The following PHACTR1 variants were observed in gnomAD, a reference collection of about 807,000 sequenced individuals.
PHACTR1 encodes the protein RPEL repeat containing 1.
PHACTR1 carries 16 observed loss-of-function variants against 69.2 expected under a neutral mutation model. That is an observed-to-expected ratio of 0.23 (90% CI 0.16 to 0.35). The LOEUF (loss-of-function observed/expected upper bound fraction) is 0.35, where lower values mean the gene tolerates loss of function less well. Among genes scored for constraint, PHACTR1 ranks in the 10% least tolerant of loss-of-function variants. The pLI is 1.00. For missense variants in PHACTR1, 510 were observed against 734.7 expected, an observed-to-expected ratio of 0.69 and a Z score of 3.54; for synonymous variants, 312 against 284.5, an observed-to-expected ratio of 1.10 and a Z score of -0.97.
intron 5 of PHACTR1, among the ~76,000 whole-genome samples, chr6:13,103,110 C>T (rs1217498243): frequency 6.6e-6 from 1 of 152,156 alleles, no homozygotes. Context: ...CTTATTTCCA[C>T]CTATTAAGGT....
At chr6:13,184,736 G>A (rs536390450) in intron 7 of PHACTR1, 53 of 1,282,842 alleles carry the variant, frequency 4.1e-5, no homozygotes, top group Middle Eastern at 2.2e-4. Context: ...TGTGTTCCCC[G>A]CTGGCCCCGC....
intron 3 of PHACTR1, among the ~76,000 whole-genome samples, chr6:12,740,568 C>A (rs925656273): frequency 6.6e-6 from 1 of 151,834 alleles, no homozygotes; most frequent in Non-Finnish European, 1.5e-5. Context: ...GTTTTTGGTC[C>A]ATTTAAAAAA....
chr6:12,850,251 G>A (rs1479346539), intron 4 of PHACTR1, among the ~76,000 whole-genome samples: 2 of 152,190 alleles, frequency 1.3e-5, no homozygotes, highest in African/African-American at 4.8e-5. Flanking sequence ...AATAACAATG[G>A]TTACTGCTGC....
At chr6:13,060,221 T>C (rs937020060) in intron 5 of PHACTR1, among the ~76,000 whole-genome samples, 23 of 152,168 alleles carry the variant, frequency 1.5e-4, no homozygotes, top group Non-Finnish European at 2.8e-4. Context: ...CTAGAGATCA[T>C]TGGTGACTTA....
intron 3 of PHACTR1, among the ~76,000 whole-genome samples, chr6:12,743,532 G>T (rs914897315): frequency 1.3e-5 from 2 of 152,032 alleles, no homozygotes; most frequent in Admixed American, 6.6e-5. Context: ...TCCTCTTGAG[G>T]TCCCTAGATA....
chr6:12,910,651 C>T (rs1439765203), intron 4 of PHACTR1, among the ~76,000 whole-genome samples: 4 of 152,196 alleles, frequency 2.6e-5, no homozygotes, highest in Non-Finnish European at 5.9e-5. Context: ...TTATTATTGA[C>T]AGAAGTCCCC....
chr6:12,824,468 C>T (rs56408440), intron 4 of PHACTR1, among the ~76,000 whole-genome samples: 31,956 of 152,044 alleles, frequency 0.21, 3,628 homozygotes, highest in African/African-American at 0.3. Flanking sequence ...GCCAAAAAGG[C>T]TGGGGACTGC....
chr6:12,927,736 G>A (rs1236369006), intron 4 of PHACTR1, among the ~76,000 whole-genome samples: 1 of 152,198 alleles, frequency 6.6e-6, no homozygotes, highest in African/African-American at 2.4e-5. Context: ...AGGACCATTT[G>A]AGAATCTAAA....
chr6:13,224,354 G>A (rs934764839), intron 8 of PHACTR1, among the ~76,000 whole-genome samples: 2 of 152,220 alleles, frequency 1.3e-5, no homozygotes, highest in African/African-American at 2.4e-5. Context: ...AAGATGGTTT[G>A]GGAACACATT....
At chr6:13,155,882 C>G (rs1051723226) in intron 5 of PHACTR1, among the ~76,000 whole-genome samples, 5 of 149,730 alleles carry the variant, frequency 3.3e-5, no homozygotes, top group Non-Finnish European at 4.4e-5. Context: ...AGCAGGACTC[C>G]CTCTCAAAAA....
chr6:12,777,965 C>A (rs1487024392), intron 4 of PHACTR1, among the ~76,000 whole-genome samples: 1 of 152,144 alleles, frequency 6.6e-6, no homozygotes, highest in Admixed American at 6.5e-5. Flanking sequence ...CAGTTATTAA[C>A]TGGTATGGGC....
intron 5 of PHACTR1, among the ~76,000 whole-genome samples, chr6:13,131,208 T>TACACACACACACACACACAC (rs56329629): frequency 6.8e-6 from 1 of 146,374 alleles, no homozygotes; most frequent in African/African-American, 2.6e-5. Context: ...TATATACACA[T>TACACACACACACACACACAC]ACACACACAC....
At chr6:13,141,825 A>T (rs1171599567) in intron 5 of PHACTR1, among the ~76,000 whole-genome samples, 1 of 136,732 alleles carries the variant, frequency 7.3e-6, no homozygotes, top group African/African-American at 2.8e-5. Context: ...ATATTCTGGG[A>T]TTGTTTTTTT....
chr6:12,816,353 G>T (rs1775581571), intron 4 of PHACTR1, among the ~76,000 whole-genome samples: 1 of 152,148 alleles, frequency 6.6e-6, no homozygotes. Flanking sequence ...TCTCTCTAAG[G>T]TAAATTCAGT....
At chr6:12,756,932 C>CA (rs1767394228) in intron 4 of PHACTR1, among the ~76,000 whole-genome samples, 1 of 151,396 alleles carries the variant, frequency 6.6e-6, no homozygotes, top group South Asian at 2.1e-4. Flanking sequence ...TTTTTTAGAC[C>CA]GTTTTTTAGG....
chr6:13,024,202 C>T (rs1474489679), intron 4 of PHACTR1, among the ~76,000 whole-genome samples: 2 of 152,120 alleles, frequency 1.3e-5, no homozygotes, highest in Admixed American at 1.3e-4. Context: ...AGATTTGGCA[C>T]CAGTATGTCC....
chr6:13,273,132 C>T (rs770947941), intron 11 of PHACTR1: 17 of 599,364 alleles, frequency 2.8e-5, no homozygotes, highest in African/African-American at 1.1e-4. Flanking sequence ...AGCTCACGGG[C>T]GGCAGGCAGA....
chr6:13,099,575 A>G (rs540245949), intron 5 of PHACTR1, among the ~76,000 whole-genome samples: 5 of 152,242 alleles, frequency 3.3e-5, no homozygotes, highest in African/African-American at 1.2e-4. Context: ...CCCAGTGGAG[A>G]TACTCTGTGG....
Position 12,749,762 on chromosome 6 carries a change from G to A in PHACTR1, c.222G>A (p.Glu74=), listed in dbSNP as rs373807800. ...RSKSDTPYLA[E]ARISFNLGAA... is the part of the protein sequence containing the mutation. ...AGAGCGACACGCCGTACCTCGCAGA[G>A]GCCAGGATCTCCTTTAACCTGGGGG... Residue 74 remains glutamate (E), a synonymous_variant, in exon 4 of 15, where the codon GAG becomes GAA. Transcript: ENST00000332995. 2.5e-6 allele frequency: 4 copies of A among 1,610,692 alleles called. No homozygotes were observed. Among genetic ancestry groups the A allele is most frequent in the African/African-American group, 1.3e-5 (1 of 74,840 alleles).
Sources: allele counts gnomAD v4.1 joint callset (sites outside exome capture counted in the v4.1 genomes callset), GRCh38; gene constraint gnomAD v4.1.1; transcripts MANE v1.5; gene names NCBI Gene and HGNC (gene_info 2026-07-23, HGNC 2026-07-21).